Variants in ABHD2 observed in about 807,000 individuals in gnomAD.
ABHD2 encodes the protein monoacylglycerol lipase ABHD2.
A neutral mutation model predicts 48.1 loss-of-function variants in ABHD2; 20 were observed. The ratio of observed to expected loss-of-function variants is 0.42; its 90% CI spans 0.29 to 0.60. The LOEUF is 0.60. Ranked by LOEUF, ABHD2 falls within the 20% of genes least tolerant of loss-of-function variation. ABHD2 has a pLI of 0.24. For synonymous variants in ABHD2, 209 were observed against 214.2 expected (o/e 0.98, Z 0.21); for missense variants, 405 against 550.9 (o/e 0.74, Z 2.65).
intron 5 of ABHD2, among the ~76,000 whole-genome samples, chr15:89,170,492 A>T (rs1029934855): frequency 8.0e-6 from 1 of 125,726 alleles, no homozygotes; most frequent in African/African-American, 2.9e-5. Context: ...TGCTACAAAC[A>T]CCAAAATGCT....
chr15:89,153,070 G>A (rs1235928106), intron 4 of ABHD2, among the ~76,000 whole-genome samples: 1 of 152,126 alleles, frequency 6.6e-6, no homozygotes, highest in Admixed American at 6.5e-5. Flanking sequence ...CCCTCTGCCT[G>A]GAATGCTGGT....
intron 5 of ABHD2, among the ~76,000 whole-genome samples, chr15:89,156,289 T>C (rs2050672917): frequency 6.6e-6 from 1 of 151,778 alleles, no homozygotes; most frequent in Non-Finnish European, 1.5e-5. Flanking sequence ...CCTGGCTAAT[T>C]TTTTTGTATT....
At chr15:89,170,215 C>T (rs1035395841) in intron 5 of ABHD2, among the ~76,000 whole-genome samples, 4 of 149,586 alleles carry the variant, frequency 2.7e-5, no homozygotes, top group African/African-American at 9.8e-5. Flanking sequence ...CCCACCTCAG[C>T]CTCCCAAGTA....
At position 89,116,318 on chromosome 15, in the gene ABHD2, C is replaced by A. The variant is rs200834719; in HGVS notation, c.-6-4C>A. The A allele has an allele frequency of 5.6e-6, 9 of 1,611,574 alleles. No individual in the cohort carries two copies. Among genetic ancestry groups the A allele is most frequent in the Non-Finnish European group, 6.8e-6 (8 of 1,178,412 alleles). On this transcript the variant is annotated splice_region_variant and splice_polypyrimidine_tract_variant and intron_variant, in intron 2 of 10. Transcript: ENST00000352732. This position sits in a 1 kb window ranked among gnomAD's most constrained non-coding sequence, Gnocchi z 4.6. ...AAACTTAGACCTGTGCCTCTGCTCC[C>A]CAGATCAAGATGAATGCCATGCTGG... is the stretch of plus-strand genomic sequence containing the variant.
chr15:89,125,763 G>A (rs2050121622), intron 3 of ABHD2, among the ~76,000 whole-genome samples: 1 of 152,132 alleles, frequency 6.6e-6, no homozygotes, highest in South Asian at 2.1e-4. Flanking sequence ...TTATGCAAGG[G>A]GCCAGCCACA....
rs74032727 is a variant in ABHD2, at chr15:89,116,250, C to T, written c.-6-72C>T. On this transcript the variant is annotated intron_variant, in intron 2 of 10. Transcript: ENST00000352732. This position sits in a 1 kb window ranked among gnomAD's most constrained non-coding sequence, Gnocchi z 4.6. ...TGGCAGTATCTCTTAGCCCACCATGCGTCTGTAGGGTGGTGGGCACCACCC... is the reference window on the plus strand; with the variant it reads ...TGGCAGTATCTCTTAGCCCACCATGTGTCTGTAGGGTGGTGGGCACCACCC... The T allele has an allele frequency of 4.4e-4, 618 of 1,403,046 alleles. 4 individuals carry two copies. In the African/African-American group the frequency reaches 7.8e-3, roughly 18 times the overall value. The allele number at this position is 1,403,046 out of a possible 1,614,324, so 86.9% of individuals were successfully genotyped here.
At chr15:89,130,899 C>T (rs2050208481) in intron 3 of ABHD2, among the ~76,000 whole-genome samples, 1 of 152,180 alleles carries the variant, frequency 6.6e-6, no homozygotes, top group Admixed American at 6.5e-5. Flanking sequence ...CCATGCCTAA[C>T]TTGAGAAGCA....
rs566481360 is a variant in ABHD2 at position 89,195,130 on chromosome 15, G to A, written c.1082-97G>A. 105 of 1,417,232 alleles carry A rather than the reference G, an allele frequency of 7.4e-5. No homozygotes were observed. Among genetic ancestry groups the A allele is most frequent in the Middle Eastern group, 6.6e-4 (3 of 4,518 alleles). The allele number at this position is 1,417,232 out of a possible 1,614,324, so 87.8% of individuals were successfully genotyped here. A position where few individuals can be genotyped will look rare whatever the true frequency, so the allele number is the denominator to read the frequency against. On this transcript the variant is annotated intron_variant, in intron 10 of 10. Transcript: ENST00000352732. This position sits in a 1 kb window ranked among gnomAD's most constrained non-coding sequence, Gnocchi z 5.1. ...TGGATGCCCACTTAGGTGACCCTGC[G>A]GGGACAGCCAGGCTACCCTAGCCAG...
chr15:89,046,107 G>A, the ABHD2 span, among the ~76,000 whole-genome samples: 1 of 152,194 alleles, frequency 6.6e-6, no homozygotes, highest in Non-Finnish European at 1.5e-5. Flanking sequence ...TTAGCATGAA[G>A]ATTTGTTGAA....
chr15:89,192,137 G>A (rs1003258568), intron 9 of ABHD2, among the ~76,000 whole-genome samples: 3 of 152,136 alleles, frequency 2.0e-5, no homozygotes, highest in African/African-American at 4.8e-5. Flanking sequence ...CCTTGTCAAT[G>A]TCCACCTGTA....
intron 3 of ABHD2, among the ~76,000 whole-genome samples, chr15:89,143,372 T>G (rs946140557): frequency 1.3e-5 from 2 of 152,208 alleles, no homozygotes; most frequent in African/African-American, 2.4e-5. Context: ...TAATTCATTT[T>G]TTAAAAAAAG....
intron 5 of ABHD2, among the ~76,000 whole-genome samples, chr15:89,165,708 A>T (rs969597619): frequency 6.6e-6 from 1 of 152,160 alleles, no homozygotes; most frequent in Non-Finnish European, 1.5e-5. Flanking sequence ...AGTCATGAAG[A>T]TTTTCTTGAA....
Position 89,120,678 on chromosome 15 carries a change from G to A in ABHD2, c.194+4157G>A, listed in dbSNP as rs1423414092. 1 of 152,036 alleles carries A rather than the reference G, an allele frequency of 6.6e-6. No homozygotes were observed. Among genetic ancestry groups the A allele is most frequent in the Non-Finnish European group, 1.5e-5 (1 of 68,016 alleles). The allele number at this position is 152,036 out of a possible 1,614,324, so 9.4% of individuals were successfully genotyped here. A position where few individuals can be genotyped will look rare whatever the true frequency, so the allele number is the denominator to read the frequency against. ...ATTTTTGTATTTTTAATAGAGATGG[G>A]GTTTCACCCTGTTGGTCAGGCTGGT... is the stretch of plus-strand genomic sequence containing the variant. On this transcript the variant is annotated intron_variant, in intron 3 of 10. Coordinates refer to ENST00000352732, the MANE Select transcript of ABHD2 (RefSeq NM_152924.5). This position sits in a 1 kb window ranked among gnomAD's most constrained non-coding sequence, Gnocchi z 4.2.
Position 89,184,875 on chromosome 15 carries a change from G to A in ABHD2, c.723-549G>A, listed in dbSNP as rs909552593. Among the ~76,000 whole-genome samples, 2 of 152,178 alleles carry A rather than the reference G, an allele frequency of 1.3e-5. No individual in the cohort carries two copies. Among genetic ancestry groups the A allele is most frequent in the South Asian group, 4.1e-4 (2 of 4,832 alleles). On this transcript the variant is annotated intron_variant, in intron 6 of 10. Coordinates refer to ENST00000352732, the MANE Select transcript of ABHD2 (RefSeq NM_152924.5). This position sits in a 1 kb window ranked among gnomAD's most constrained non-coding sequence, Gnocchi z 5.1. The stretch of plus-strand genomic sequence containing the variant: ...TTAAGGGCCTGTCTACTTCCACTTC[G>A]ATTTCCTTGCCTCTTCAATGGTATA...
At chr15:89,183,940 C>T (rs1043805091) in intron 6 of ABHD2, among the ~76,000 whole-genome samples, 4 of 152,152 alleles carry the variant, frequency 2.6e-5, no homozygotes, top group African/African-American at 9.7e-5. Context: ...TGGGTGACCC[C>T]CTTCCCTCTG....
At position 89,195,219 on chromosome 15, in the gene ABHD2, C is replaced by A. The variant is rs1339544536; in HGVS notation, c.1082-8C>A. 1.2e-6 allele frequency: 2 copies of A among 1,611,848 alleles called. No individual in the cohort carries two copies. The highest frequency in any genetic ancestry group is 2.7e-5 in the African/African-American group (2 of 74,920). On this transcript the variant is annotated splice_region_variant and splice_polypyrimidine_tract_variant and intron_variant, in intron 10 of 10. Coordinates refer to ENST00000352732, the MANE Select transcript of ABHD2 (RefSeq NM_152924.5). The surrounding 1 kb of genome is among the most constrained non-coding windows in gnomAD (Gnocchi z 5.1). ...ACAGTAACTCACTCAGCTGCGTTTC[C>A]CCTGCAGAGAAACGAGAGAACGTCA... is the stretch of plus-strand genomic sequence containing the variant.
At position 89,175,102 on chromosome 15, in the gene ABHD2, AATAAC is replaced by A. The variant is rs2050990141; in HGVS notation, c.539-707_539-703del. ...CCAACTCTGTCAAGAAGATTCTGTA[AATAAC>A]ATCCACTTGCTACTTTTCTTAACAC... On this transcript the variant is annotated intron_variant, in intron 5 of 10. Transcript: ENST00000352732. The surrounding 1 kb of genome is among the most constrained non-coding windows in gnomAD (Gnocchi z 5.7). Among the ~76,000 whole-genome samples, 2 of 152,222 alleles carry A rather than the reference AATAAC, an allele frequency of 1.3e-5. No homozygotes were observed. Among genetic ancestry groups the A allele is most frequent in the Non-Finnish European group, 2.9e-5 (2 of 68,034 alleles).
chr15:89,191,019 T>C, intron 8 of ABHD2, 61 bp from the exon 9 acceptor site: 3 of 1,558,164 alleles, frequency 1.9e-6, no homozygotes, highest in African/African-American at 1.4e-5. Context: ...GGCTCAGCAT[T>C]CTGATCTTAA....
chr15:89,105,686 C>G (rs2049773325), intron 1 of ABHD2, among the ~76,000 whole-genome samples: 1 of 152,220 alleles, frequency 6.6e-6, no homozygotes, highest in East Asian at 1.9e-4. Flanking sequence ...AGGGCTTTAT[C>G]CTTCCTTGTT....
Sources: allele counts gnomAD v4.1 joint callset (sites outside exome capture counted in the v4.1 genomes callset), GRCh38; gene constraint gnomAD v4.1.1; non-coding constraint Gnocchi (gnomAD v3.1); transcripts MANE v1.5; gene names NCBI Gene and HGNC (gene_info 2026-07-23, HGNC 2026-07-21).